Variants in IGF2BP1 observed in about 807,000 individuals in gnomAD.
The protein encoded by IGF2BP1 is insulin-like growth factor 2 mRNA-binding protein 1.
A neutral mutation model predicts 74.9 loss-of-function variants in IGF2BP1; 11 were observed. The ratio of observed to expected loss-of-function variants is 0.15; its 90% CI spans 0.09 to 0.24. The LOEUF (loss-of-function observed/expected upper bound fraction) is 0.24. Among genes scored for constraint, IGF2BP1 ranks in the 10% least tolerant of loss-of-function variants. IGF2BP1 has a pLI of 1.00. For missense variants in IGF2BP1, 440 were observed against 757.4 expected, an observed-to-expected ratio of 0.58 and a Z score of 4.92; for synonymous variants, 287 against 281.8, an observed-to-expected ratio of 1.02 and a Z score of -0.18.
chr17:49,055,457 T>A lies in IGF2BP1; in HGVS notation c.*6013T>A, dbSNP rs6504593. 4 of 359,540 alleles carry A rather than the reference T, an allele frequency of 1.1e-5. No homozygotes were observed. The Admixed American group carries it at 1.9e-4, about 17-fold the overall frequency. 22.3% of individuals were successfully genotyped at this position (359,540 alleles called of 1,614,324 possible). ...TGTCCCCCCTCCCCTGCCAATAAGC[T>A]CCCCCAGGAATAAAGGCTTTGTTTT... On this transcript the variant is annotated 3_prime_UTR_variant, in exon 15 of 15. Transcript: ENST00000290341.
At position 49,050,806 on chromosome 17, in the gene IGF2BP1, G is replaced by C. The variant is rs1362084716; in HGVS notation, c.*1362G>C. 2 of 152,654 alleles carry C rather than the reference G, an allele frequency of 1.3e-5. No individual in the cohort carries two copies. The highest frequency in any genetic ancestry group is 2.9e-5 in the Non-Finnish European group (2 of 68,032). The allele number at this position is 152,654 out of a possible 1,614,324, so 9.5% of individuals were successfully genotyped here. On this transcript the variant is annotated 3_prime_UTR_variant, in exon 15 of 15. Coordinates refer to ENST00000290341, the MANE Select transcript of IGF2BP1 (RefSeq NM_006546.4). ...CCAGGCTTAATTAAGATCCCATGGA[G>C]TGTTTAGCCCTTGTGGGAGACAGAA...
chr17:49,014,451 C>T (rs1169203352), intron 2 of IGF2BP1, among the ~76,000 whole-genome samples: 1 of 151,624 alleles, frequency 6.6e-6, no homozygotes, highest in Non-Finnish European at 1.5e-5. Context: ...AGGCGAGAAC[C>T]ATCTTGGAAG....
In IGF2BP1 at chr17:49,049,591, G is replaced by A; in HGVS notation, c.*147G>A. ...GTTTGCCCACTTGATTGAGAAAGAT[G>A]TTCCAGTGAGGAACCCTGATCTCTC... is the stretch of plus-strand genomic sequence containing the variant. On this transcript the variant is annotated 3_prime_UTR_variant, in exon 15 of 15. Coordinates refer to ENST00000290341, the MANE Select transcript of IGF2BP1 (RefSeq NM_006546.4). 1.6e-6 allele frequency: 1 copy of A among 643,098 alleles called. No individual in the cohort carries two copies. The highest frequency in any genetic ancestry group is 2.7e-6 in the Non-Finnish European group (1 of 366,974). 39.8% of individuals were successfully genotyped at this position (643,098 alleles called of 1,614,324 possible).
rs2042226933 is a variant in IGF2BP1 at position 49,056,043 on chromosome 17, C to T, written c.*6599C>T. 6.6e-6 allele frequency among the ~76,000 whole-genome samples: 1 copy of T among 151,770 alleles called. No individual in the cohort carries two copies. Among genetic ancestry groups the T allele is most frequent in the South Asian group, 2.1e-4 (1 of 4,802 alleles). On this transcript the variant is annotated 3_prime_UTR_variant, in exon 15 of 15. Coordinates refer to ENST00000290341, the MANE Select transcript of IGF2BP1 (RefSeq NM_006546.4). ...TGGAGTTTGTTCTTTGATGGATGAA[C>T]GAACACTCCAGTTTTCTTTCCCGTG... is the stretch of plus-strand genomic sequence containing the variant.
chr17:49,025,311 AAAGTGTGTGTGTGTGT>A (rs941207428), intron 2 of IGF2BP1, among the ~76,000 whole-genome samples: 10 of 108,818 alleles, frequency 9.2e-5, no homozygotes, highest in African/African-American at 2.8e-4. Flanking sequence ...TGGGACAAAC[AAAGTGTGTGTGTGTGT>A]GTGTGTGTGT....
rs1237101284 is a variant in IGF2BP1, at chr17:49,042,358, A to T, written c.1058A>T (p.Asn353Ile). Residue 353 changes from asparagine to isoleucine, a missense_variant, in exon 9 of 15, where the codon AAT (asparagine) becomes ATT (isoleucine). Coordinates refer to ENST00000290341, the MANE Select transcript of IGF2BP1 (RefSeq NM_006546.4). ...AAGAAAGTTCGGGAGGCCTATGAGA[A>T]TGATGTGGCTGCCATGAGCGTGAGT... ...IMKKVREAYE[N>I]DVAAMSLQSH... The T allele has an allele frequency of 6.2e-7, 1 of 1,614,078 alleles. No homozygotes were observed. The highest frequency in any genetic ancestry group is 8.5e-7 in the Non-Finnish European group (1 of 1,180,020).
intron 4 of IGF2BP1, among the ~76,000 whole-genome samples, chr17:49,026,776 G>T (rs2041863863): frequency 6.7e-6 from 1 of 148,470 alleles, no homozygotes; most frequent in African/African-American, 2.5e-5. Flanking sequence ...TGTCTATCTT[G>T]CTCTGTCACC....
chr17:49,041,329 C>A (rs763729249), intron 7 of IGF2BP1, 49 bp from the exon 8 acceptor site: 9 of 1,606,282 alleles, frequency 5.6e-6, no homozygotes, highest in Non-Finnish European at 6.8e-6. Flanking sequence ...TCATGAAGCC[C>A]ACAATTGAAG....
Position 48,997,990 on chromosome 17 carries a change from G to A in IGF2BP1, c.175+70G>A. 2.0e-6 allele frequency: 3 copies of A among 1,534,338 alleles called. No homozygotes were observed. The highest frequency in any genetic ancestry group is 2.4e-5 in the South Asian group (2 of 82,488). ...GAACAACGGAGACCCGCACCTTCCG[G>A]TTCCTCTCCCGCCAACTCCTCTCTT... On this transcript the variant is annotated intron_variant, in intron 1 of 14. Coordinates refer to ENST00000290341, the MANE Select transcript of IGF2BP1 (RefSeq NM_006546.4). This position sits in a 1 kb window ranked among gnomAD's most constrained non-coding sequence, Gnocchi z 4.8.
At chr17:49,033,662 C>T (rs1212560666) in intron 5 of IGF2BP1, among the ~76,000 whole-genome samples, 4 of 151,922 alleles carry the variant, frequency 2.6e-5, no homozygotes, top group Non-Finnish European at 5.9e-5. Flanking sequence ...ACATTTCTAA[C>T]CAGTGTCAGC....
In IGF2BP1 at chr17:49,004,263, G is replaced by A. The variant is rs537961500; in HGVS notation, c.236+5094G>A. 1.7e-3 allele frequency among the ~76,000 whole-genome samples: 253 copies of A among 146,936 alleles called. 2 individuals are homozygous for A. The highest frequency in any genetic ancestry group is 6.0e-3 in the African/African-American group (245 of 40,980). On this transcript the variant is annotated intron_variant, in intron 2 of 14. Transcript: ENST00000290341. ...GCCTTAGTCCTGGGAACCCCAGATC[G>A]CAAACCTCGCAGCAGATACCCCACG... is the stretch of plus-strand genomic sequence containing the variant.
At chr17:49,034,743 AAC>A (rs1465791616) in intron 5 of IGF2BP1, among the ~76,000 whole-genome samples, 2 of 129,450 alleles carry the variant, frequency 1.5e-5, no homozygotes, top group Admixed American at 7.3e-5. Context: ...TCTCAAAAAA[AAC>A]ACAAAAAAAA....
intron 2 of IGF2BP1, among the ~76,000 whole-genome samples, chr17:49,018,968 G>A (rs929323314): frequency 6.6e-6 from 1 of 152,100 alleles, no homozygotes; most frequent in African/African-American, 2.4e-5. Context: ...CATGACAGGG[G>A]CCCTAGGGGA....
Position 49,055,836 on chromosome 17 carries a change from GTTTTTT to G in IGF2BP1, c.*6409_*6414del, listed in dbSNP as rs59508101. Among the ~76,000 whole-genome samples the G allele has an allele frequency of 1.6e-5, 2 of 125,868 alleles. No homozygotes were observed. Among genetic ancestry groups the G allele is most frequent in the Non-Finnish European group, 3.2e-5 (2 of 61,596 alleles). The allele number at this position is 125,868 out of a possible 152,430, so 82.6% of individuals were successfully genotyped here. ...AGCTGGAGGCCTACTGCTTGGGACA[GTTTTTT>G]TTTTTTTTTTTTTTTTAAATATGAG... On this transcript the variant is annotated 3_prime_UTR_variant, in exon 15 of 15. Coordinates refer to ENST00000290341, the MANE Select transcript of IGF2BP1 (RefSeq NM_006546.4).
At chr17:49,021,285 C>A (rs1435663151) in intron 2 of IGF2BP1, among the ~76,000 whole-genome samples, 1 of 152,162 alleles carries the variant, frequency 6.6e-6, no homozygotes, top group Non-Finnish European at 1.5e-5. Context: ...AACCTCATCT[C>A]CCTCCCAGGG....
At chr17:49,044,566 G>C (rs574797258) in intron 11 of IGF2BP1, among the ~76,000 whole-genome samples, 1 of 152,260 alleles carries the variant, frequency 6.6e-6, no homozygotes, top group Non-Finnish European at 1.5e-5. Flanking sequence ...CAAGGATGCT[G>C]TTAGAGTTTC....
intron 2 of IGF2BP1, among the ~76,000 whole-genome samples, chr17:49,016,118 T>C (rs570516393): frequency 2.8e-4 from 42 of 152,372 alleles, no homozygotes; most frequent in African/African-American, 1.0e-3. Flanking sequence ...CTTTTCCTGC[T>C]TCTGACGTCG....
Position 49,041,404 on chromosome 17 carries a change from T to G in IGF2BP1, c.845T>G (p.Leu282Arg). The G allele has an allele frequency of 1.9e-6, 3 of 1,614,074 alleles. No individual in the cohort carries two copies. The highest frequency in any genetic ancestry group is 2.5e-6 in the Non-Finnish European group (3 of 1,180,010). Reference sequence around the variant, plus strand: ...GCTGACGAGGTTCCCCTGAAGATCCTGGCCCATAATAACTTTGTAGGGCGT... The same window carrying G: ...GCTGACGAGGTTCCCCTGAAGATCCGGGCCCATAATAACTTTGTAGGGCGT... The part of the protein sequence containing the change: ...KTADEVPLKI[L>R]AHNNFVGRLI... Residue 282 changes from leucine (L) to arginine (R), a missense_variant, in exon 8 of 15, where the codon CTG (leucine) becomes CGG (arginine). Physicochemically the swap from Leu to Arg is moderately radical, Grantham distance 102. This residue lies in a region of IGF2BP1 where 184 missense variants were observed against 273.4 expected (regional missense o/e 0.67). Coordinates refer to ENST00000290341, the MANE Select transcript of IGF2BP1 (RefSeq NM_006546.4).
chr17:49,054,311 G>A lies in IGF2BP1; in HGVS notation c.*4867G>A, dbSNP rs979818801. 1 of 152,794 alleles carries A rather than the reference G, an allele frequency of 6.5e-6. No individual in the cohort carries two copies. The highest frequency in any genetic ancestry group is 2.4e-5 in the African/African-American group (1 of 41,588). 9.5% of individuals were successfully genotyped at this position (152,794 alleles called of 1,614,324 possible). On this transcript the variant is annotated 3_prime_UTR_variant, in exon 15 of 15. Coordinates refer to ENST00000290341, the MANE Select transcript of IGF2BP1 (RefSeq NM_006546.4). Reference sequence around the variant, plus strand: ...AATGAAATAGCAGGAAGCTCCTCGGGAGCATGTGTTTTGATTAACCGCAGG... The same window carrying A: ...AATGAAATAGCAGGAAGCTCCTCGGAAGCATGTGTTTTGATTAACCGCAGG...
Sources: allele counts gnomAD v4.1 joint callset (sites outside exome capture counted in the v4.1 genomes callset), GRCh38; gene constraint gnomAD v4.1.1; regional missense constraint gnomAD v4.1.1; non-coding constraint Gnocchi (gnomAD v3.1); transcripts MANE v1.5; gene names NCBI Gene and HGNC (gene_info 2026-07-23, HGNC 2026-07-21).